The following DOCK1 variants were observed in gnomAD, a reference collection of about 807,000 sequenced individuals.
DOCK1 encodes the protein dedicator of cytokinesis 1.
In DOCK1, 138 loss-of-function variants were observed where a neutral mutation model predicts 262.7. The ratio of observed to expected loss-of-function variants is 0.53; its 90% CI spans 0.46 to 0.61. The LOEUF is 0.61. DOCK1 is among the 20% of genes least tolerant of loss of function. The pLI, the probability that DOCK1 is intolerant of heterozygous loss-of-function variation, is 0.00. For synonymous variants in DOCK1, 866 were observed against 867.4 expected, an observed-to-expected ratio of 1.00 and a Z score of 0.03; for missense variants, 1,908 against 2,370.7, an observed-to-expected ratio of 0.80 and a Z score of 4.05.
At position 127,098,464 on chromosome 10, in the gene DOCK1, A is replaced by G. The variant is rs545922245; in HGVS notation, c.2446-7767A>G. ...CCACTGCTGCTGGTAGCTGTGGCCA[A>G]CGTCTGTTGAGCAGGAGCAATGAGT... On this transcript the variant is annotated intron_variant, in intron 23 of 51. Coordinates refer to ENST00000623213, the MANE Select transcript of DOCK1 (RefSeq NM_001290223.2). Among the ~76,000 whole-genome samples the G allele has an allele frequency of 1.5e-4, 23 of 152,326 alleles. No homozygotes were observed. In the South Asian group the frequency reaches 4.6e-3, roughly 30 times the overall value.
intron 26 of DOCK1, 49 bp from the exon 27 acceptor site, chr10:127,127,620 A>C (rs899144450): frequency 5.5e-6 from 8 of 1,448,386 alleles, no homozygotes; most frequent in Non-Finnish European, 7.7e-6. Context: ...TGGGGCTTGC[A>C]TGTTAATGTT....
intron 1 of DOCK1, among the ~76,000 whole-genome samples, chr10:126,923,301 A>G (rs866248501): frequency 2.6e-5 from 4 of 152,332 alleles, no homozygotes; most frequent in Middle Eastern, 3.4e-3. Context: ...AAAAGATTGC[A>G]AACTATATTA....
At chr10:127,283,079 C>T (rs149206422) in intron 29 of DOCK1, among the ~76,000 whole-genome samples, 9 of 152,346 alleles carry the variant, frequency 5.9e-5, no homozygotes, top group Middle Eastern at 3.4e-3. Flanking sequence ...CAACAAGGAG[C>T]GTTACGTGGT....
At position 127,198,407 on chromosome 10, in the gene DOCK1, G is replaced by A. The variant is rs555811053; in HGVS notation, c.2848-49601G>A. ...TAAATAAAGCTGCCAGGAAACTTGG[G>A]CATTGGGCTGGTAGTATCAGAAGGC... is the stretch of plus-strand genomic sequence containing the variant. On this transcript the variant is annotated intron_variant, in intron 27 of 51. Coordinates refer to ENST00000623213, the MANE Select transcript of DOCK1 (RefSeq NM_001290223.2). 9.2e-5 allele frequency among the ~76,000 whole-genome samples: 14 copies of A among 152,350 alleles called. No homozygotes were observed. The South Asian group carries it at 2.3e-3, about 25-fold the overall frequency.
intron 29 of DOCK1, among the ~76,000 whole-genome samples, chr10:127,309,272 T>C (rs1278251225): frequency 6.6e-6 from 1 of 152,184 alleles, no homozygotes; most frequent in Non-Finnish European, 1.5e-5. Context: ...TTTGCCCACT[T>C]TTTGATGGGG....
chr10:127,142,172 C>T (rs2051323689), intron 27 of DOCK1, among the ~76,000 whole-genome samples: 1 of 152,200 alleles, frequency 6.6e-6, no homozygotes. Context: ...CCATCACGGT[C>T]CCAGGCCACC....
chr10:127,092,080 A>G lies in DOCK1; in HGVS notation c.2446-14151A>G, dbSNP rs377244206. Among the ~76,000 whole-genome samples, 13 of 152,346 alleles carry G rather than the reference A, an allele frequency of 8.5e-5. No individual in the cohort carries two copies. In the East Asian group the frequency reaches 1.4e-3, roughly 16 times the overall value. ...TCTCAGTCACCCTACCTGTATTTCA[A>G]GTGCCTGATGGACACCTGTGCCCAG... On this transcript the variant is annotated intron_variant, in intron 23 of 51. Transcript: ENST00000623213.
At chr10:127,445,789 C>T (rs1565098178) in intron 50 of DOCK1, among the ~76,000 whole-genome samples, 2 of 152,150 alleles carry the variant, frequency 1.3e-5, no homozygotes, top group African/African-American at 4.8e-5. Flanking sequence ...ACAAAATGTA[C>T]GTCCAAAGAA....
At chr10:127,140,455 C>G (rs1014958680) in intron 27 of DOCK1, among the ~76,000 whole-genome samples, 1 of 152,200 alleles carries the variant, frequency 6.6e-6, no homozygotes, top group African/African-American at 2.4e-5. Context: ...GCCCCCCAGC[C>G]CATCTCCCCA....
intron 1 of DOCK1, among the ~76,000 whole-genome samples, chr10:126,910,929 C>G (rs77188280): frequency 0.035 from 5,321 of 152,158 alleles, 186 homozygotes; most frequent in African/African-American, 0.086. Flanking sequence ...ATTTCATGGT[C>G]TGGATATGCC....
At chr10:127,244,491 C>T (rs576828923) in intron 27 of DOCK1, among the ~76,000 whole-genome samples, 1 of 152,282 alleles carries the variant, frequency 6.6e-6, no homozygotes, top group South Asian at 2.1e-4. Context: ...AAGGTTATAG[C>T]AATTTATGTT....
At chr10:127,255,394 A>C (rs1430064904) in intron 28 of DOCK1, among the ~76,000 whole-genome samples, 1 of 152,192 alleles carries the variant, frequency 6.6e-6, no homozygotes, top group East Asian at 1.9e-4. Context: ...AATGAAATAA[A>C]TAAATAAAAT....
intron 1 of DOCK1, among the ~76,000 whole-genome samples, chr10:126,943,093 C>T (rs1484736628): frequency 2.0e-5 from 2 of 100,340 alleles, no homozygotes; most frequent in Non-Finnish European, 4.4e-5. Context: ...CCTATCTCTA[C>T]CAAAAAAAAA....
At chr10:127,052,903 A>T in intron 22 of DOCK1, 88 bp downstream of exon 22, 1 of 1,514,500 alleles carries the variant, frequency 6.6e-7, no homozygotes, top group South Asian at 1.3e-5. Flanking sequence ...TCGTCCCCTT[A>T]TTCTTTCCTT....
At chr10:127,026,466 G>A (rs1266488043) in intron 16 of DOCK1, 42 bp downstream of exon 16, 2 of 1,544,704 alleles carry the variant, frequency 1.3e-6, no homozygotes, top group Admixed American at 1.9e-5. Context: ...ATTTTTAAGG[G>A]AGAACTGGGG....
rs1294391067 is a variant in DOCK1 at position 126,945,180 on chromosome 10, C to T, written c.47-25522C>T. Among the ~76,000 whole-genome samples the T allele has an allele frequency of 5.3e-5, 8 of 152,226 alleles. No individual in the cohort carries two copies. In the East Asian group the frequency reaches 1.6e-3, roughly 30 times the overall value. ...AGTTTCTGTGTGGCTTAGCTGGGCC[C>T]CCAGCTCAGGCCCTCTGAAGGGCTG... On this transcript the variant is annotated intron_variant, in intron 1 of 51. Transcript: ENST00000623213.
intron 23 of DOCK1, among the ~76,000 whole-genome samples, chr10:127,101,077 GC>G (rs2048213897): frequency 6.6e-6 from 1 of 152,052 alleles, no homozygotes. Context: ...AGAGGTTGGA[GC>G]CCCACAGGGC....
chr10:127,328,930 T>A (rs2062858162), intron 29 of DOCK1, among the ~76,000 whole-genome samples: 2 of 151,226 alleles, frequency 1.3e-5, no homozygotes. Context: ...TTATTGTGAT[T>A]TTATATATAT....
At chr10:127,014,445 G>C (rs892266800) in intron 12 of DOCK1, among the ~76,000 whole-genome samples, 1 of 152,158 alleles carries the variant, frequency 6.6e-6, no homozygotes, top group African/African-American at 2.4e-5. Context: ...TGTGTCACTA[G>C]TGCATTAGTT....
Sources: allele counts gnomAD v4.1 joint callset (sites outside exome capture counted in the v4.1 genomes callset), GRCh38; gene constraint gnomAD v4.1.1; transcripts MANE v1.5; gene names NCBI Gene and HGNC (gene_info 2026-07-23, HGNC 2026-07-21).